Variants in MDGA2 observed in about 807,000 individuals in gnomAD.
MDGA2 encodes the protein MAM domain containing glycosylphosphatidylinositol anchor 2, also known as MAM domain-containing glycosylphosphatidylinositol anchor protein 2.
In MDGA2, 40 loss-of-function variants were observed where a neutral mutation model predicts 117.8. The ratio of observed to expected loss-of-function variants is 0.34; its 90% CI spans 0.26 to 0.44. The LOEUF (loss-of-function observed/expected upper bound fraction) is 0.44. Among genes scored for constraint, MDGA2 ranks in the 20% least tolerant of loss-of-function variants. The pLI, the probability that MDGA2 is intolerant of heterozygous loss-of-function variation, is 1.00. For synonymous variants in MDGA2, 452 were observed against 439.0 expected (o/e 1.03, Z -0.37); for missense variants, 1,123 against 1,250.6 (o/e 0.90, Z 1.54).
At chr14:46,908,208 T>G (rs1002538880) in intron 10 of MDGA2, among the ~76,000 whole-genome samples, 6 of 152,148 alleles carry the variant, frequency 3.9e-5, no homozygotes, top group African/African-American at 1.4e-4. Flanking sequence ...AAACAAAAGC[T>G]ATTTGCAGTG....
intron 1 of MDGA2, among the ~76,000 whole-genome samples, chr14:47,383,543 A>C (rs1054209483): frequency 6.6e-6 from 1 of 152,068 alleles, no homozygotes; most frequent in Non-Finnish European, 1.5e-5. Context: ...GAATTTCTTG[A>C]ATTTCTTTTT....
intron 1 of MDGA2, among the ~76,000 whole-genome samples, chr14:47,565,364 C>G (rs906573635): frequency 1.3e-5 from 2 of 152,038 alleles, no homozygotes; most frequent in Non-Finnish European, 2.9e-5. Flanking sequence ...TAAGGTAGGT[C>G]CAGTTGACTG....
intron 3 of MDGA2, among the ~76,000 whole-genome samples, chr14:47,216,630 G>A (rs754123231): frequency 4.6e-5 from 7 of 152,190 alleles, no homozygotes; most frequent in Non-Finnish European, 8.8e-5. Context: ...TTAAGGTATT[G>A]AAGAGGTGTA....
chr14:46,999,761 T>C (rs751732917), intron 8 of MDGA2, among the ~76,000 whole-genome samples: 14 of 152,090 alleles, frequency 9.2e-5, no homozygotes, highest in Non-Finnish European at 2.9e-5. Context: ...TCTTTGTGGG[T>C]ATCAAACTTC....
At chr14:46,951,611 C>T (rs1463929319) in intron 9 of MDGA2, among the ~76,000 whole-genome samples, 1 of 151,906 alleles carries the variant, frequency 6.6e-6, no homozygotes, top group African/African-American at 2.4e-5. Context: ...ATTCTAGGGT[C>T]TCAGGGTAGC....
At chr14:47,670,457 G>A (rs1566568048) in intron 1 of MDGA2, among the ~76,000 whole-genome samples, 2 of 152,124 alleles carry the variant, frequency 1.3e-5, no homozygotes, top group South Asian at 4.1e-4. Flanking sequence ...CAACTGATAA[G>A]TTTACAGGAG....
intron 8 of MDGA2, among the ~76,000 whole-genome samples, chr14:47,012,398 A>T (rs757092414): frequency 5.9e-5 from 9 of 152,142 alleles, no homozygotes; most frequent in Non-Finnish European, 1.0e-4. Context: ...TTCATTTTCA[A>T]ATACCAATTT....
intron 2 of MDGA2, among the ~76,000 whole-genome samples, chr14:47,281,954 C>T (rs1055972535): frequency 3.3e-5 from 5 of 150,558 alleles, no homozygotes; most frequent in Non-Finnish European, 7.4e-5. Context: ...ACTCGGGAGG[C>T]TGAGGCACAA....
intron 10 of MDGA2, among the ~76,000 whole-genome samples, chr14:46,906,501 T>A (rs1039221899): frequency 2.0e-5 from 3 of 152,140 alleles, no homozygotes; most frequent in Non-Finnish European, 4.4e-5. Flanking sequence ...ATAAAACCTA[T>A]CATGGCACTT....
At chr14:47,096,560 C>T (rs1879980571) in intron 6 of MDGA2, among the ~76,000 whole-genome samples, 1 of 151,838 alleles carries the variant, frequency 6.6e-6, no homozygotes, top group Non-Finnish European at 1.5e-5. Flanking sequence ...TGCTGCAAGC[C>T]ACATTTTTTC....
chr14:47,503,237 G>C (rs917388804), intron 1 of MDGA2, among the ~76,000 whole-genome samples: 1 of 151,712 alleles, frequency 6.6e-6, no homozygotes, highest in African/African-American at 2.4e-5. Context: ...AGTGGATATA[G>C]CTGGGTTCCA....
chr14:46,842,250 T>G (rs1880646842), intron 16 of MDGA2, among the ~76,000 whole-genome samples: 1 of 152,204 alleles, frequency 6.6e-6, no homozygotes, highest in African/African-American at 2.4e-5. Flanking sequence ...TGAATTGATA[T>G]AATATGCTAT....
At chr14:47,619,760 A>T (rs1467114998) in intron 1 of MDGA2, among the ~76,000 whole-genome samples, 1 of 152,220 alleles carries the variant, frequency 6.6e-6, no homozygotes, top group Non-Finnish European at 1.5e-5. Flanking sequence ...GTTTCCTTTG[A>T]CAAACTCAGT....
intron 1 of MDGA2, among the ~76,000 whole-genome samples, chr14:47,489,214 TG>T (rs1404914299): frequency 6.6e-6 from 1 of 150,664 alleles, no homozygotes; most frequent in Non-Finnish European, 1.5e-5. Context: ...AAAAAAAATT[TG>T]AACTGAAATC....
intron 1 of MDGA2, among the ~76,000 whole-genome samples, chr14:47,531,020 C>T (rs1022372798): frequency 2.1e-4 from 32 of 152,012 alleles, no homozygotes; most frequent in African/African-American, 4.1e-4. Flanking sequence ...CCGAGGTGGG[C>T]GGATCACAAG....
chr14:46,963,681 G>A (rs1052792938), intron 8 of MDGA2, among the ~76,000 whole-genome samples: 9 of 152,118 alleles, frequency 5.9e-5, no homozygotes, highest in Non-Finnish European at 1.2e-4. Flanking sequence ...TGACAAGTTA[G>A]TAAAGTAACT....
chr14:47,674,321 A>G (rs760680097), intron 1 of MDGA2, among the ~76,000 whole-genome samples, 196 bp downstream of exon 1: 14 of 152,316 alleles, frequency 9.2e-5, no homozygotes, highest in Non-Finnish European at 1.5e-4. Context: ...GCCAGAGCCC[A>G]GGCGCCGGGG....
intron 1 of MDGA2, among the ~76,000 whole-genome samples, chr14:47,529,431 A>C (rs533744702): frequency 6.6e-6 from 1 of 152,334 alleles, no homozygotes; most frequent in Non-Finnish European, 1.5e-5. Context: ...CATAATAATC[A>C]CATCAGAGTA....
intron 1 of MDGA2, among the ~76,000 whole-genome samples, chr14:47,649,647 T>G (rs912872197): frequency 6.6e-6 from 1 of 151,800 alleles, no homozygotes; most frequent in African/African-American, 2.4e-5. Flanking sequence ...ATCATGCCAT[T>G]GCCCTCCAGC....
Sources: gnomAD v4.1 joint callset for allele counts (sites outside exome capture counted in the v4.1 genomes callset) on GRCh38, gnomAD v4.1.1 for gene constraint, MANE v1.5 for transcripts, NCBI Gene and HGNC (gene_info 2026-07-23, HGNC 2026-07-21) for gene names.